The following ZNF654 variants were observed in gnomAD, a reference collection of about 807,000 sequenced individuals.
ZNF654 encodes zinc finger protein 654.
In ZNF654, 19 loss-of-function variants were observed where a neutral mutation model predicts 95.3. The observed-to-expected ratio is 0.20, with a 90% confidence interval of 0.14 to 0.29. The LOEUF (loss-of-function observed/expected upper bound fraction) is 0.29. Among genes scored for constraint, ZNF654 ranks in the 10% least tolerant of loss-of-function variants. ZNF654 has a pLI of 1.00. For synonymous variants in ZNF654, 413 were observed against 457.9 expected (o/e 0.90, Z 1.25); for missense variants, 1,046 against 1,341.0 (o/e 0.78, Z 3.44).
intron 2 of ZNF654, among the ~76,000 whole-genome samples, chr3:88,102,517 G>A (rs1180658211): frequency 6.6e-6 from 1 of 152,026 alleles, no homozygotes; most frequent in Non-Finnish European, 1.5e-5. Flanking sequence ...GTCTTTTTGT[G>A]TCTTCCATTT....
chr3:88,084,534 G>A (rs1708241078), intron 1 of ZNF654, among the ~76,000 whole-genome samples: 2 of 152,144 alleles, frequency 1.3e-5, no homozygotes, highest in Non-Finnish European at 2.9e-5. Context: ...AGAACTGCAA[G>A]AGCCAGACGA....
Position 88,059,263 on chromosome 3 carries a change from CA to C in ZNF654, c.-56del. ...GAGAGGAGGAGGAGGTTAGCCTAGGCATCTACGGCGGCGGCGGCGGCGCAGG... is the reference window on the plus strand; with the variant it reads ...GAGAGGAGGAGGAGGTTAGCCTAGGCTCTACGGCGGCGGCGGCGGCGCAGG... On this transcript the variant is annotated 5_prime_UTR_variant, in exon 1 of 9. Transcript: ENST00000636215. The C allele has an allele frequency of 3.3e-6, 5 of 1,531,430 alleles. No individual in the cohort carries two copies. Among genetic ancestry groups the C allele is most frequent in the Non-Finnish European group, 4.4e-6 (5 of 1,145,590 alleles). The allele number at this position is 1,531,430 out of a possible 1,614,324, so 94.9% of individuals were successfully genotyped here.
At chr3:88,124,531 A>T (rs1201056217) in intron 3 of ZNF654, among the ~76,000 whole-genome samples, 2 of 152,254 alleles carry the variant, frequency 1.3e-5, no homozygotes, top group Non-Finnish European at 1.5e-5. Context: ...GCATATATAA[A>T]TCACTTTATA....
intron 1 of ZNF654, among the ~76,000 whole-genome samples, chr3:88,069,964 G>A (rs752175679): frequency 1.3e-5 from 2 of 152,132 alleles, no homozygotes; most frequent in Non-Finnish European, 2.9e-5. Context: ...CAATGGATGT[G>A]TTTTTTTGGC....
chr3:88,133,181 C>T (rs1468776761), intron 6 of ZNF654, among the ~76,000 whole-genome samples: 2 of 152,078 alleles, frequency 1.3e-5, no homozygotes, highest in Non-Finnish European at 2.9e-5. Flanking sequence ...AAGGGGAATG[C>T]AGAGGAGGGT....
Position 88,141,858 on chromosome 3 carries a change from A to G in ZNF654, c.*206A>G. On this transcript the variant is annotated 3_prime_UTR_variant, in exon 9 of 9. Transcript: ENST00000636215. ...TCCAAAAGGATTATAAAACTCCCAAAGTACCAGTTTTCCAGAAAACCACAT... is the reference window on the plus strand; with the variant it reads ...TCCAAAAGGATTATAAAACTCCCAAGGTACCAGTTTTCCAGAAAACCACAT... The G allele has an allele frequency of 4.9e-6, 2 of 406,644 alleles. No homozygotes were observed. The highest frequency in any genetic ancestry group is 3.6e-5 in the East Asian group (1 of 27,430). The allele number at this position is 406,644 out of a possible 1,614,324, so 25.2% of individuals were successfully genotyped here. A position where few individuals can be genotyped will look rare whatever the true frequency, so the allele number is the denominator to read the frequency against.
chr3:88,086,344 A>T lies in ZNF654; in HGVS notation c.274A>T (p.Ser92Cys). ...QTALCCFTTA[S>C]ASFPDECEHV... ...TGCCCTTTGTTGTTTTACAACAGCC[A>T]GTGCATCATTCCCAGATGAATGTGA... is the stretch of plus-strand genomic sequence containing the variant. Residue 92 changes from serine to cysteine, a missense_variant, in exon 2 of 9, where the codon AGT becomes TGT. Coordinates refer to ENST00000636215, the MANE Select transcript of ZNF654 (RefSeq NM_001350134.2). 3.3e-6 allele frequency: 5 copies of T among 1,535,528 alleles called. No individual in the cohort carries two copies. The highest frequency in any genetic ancestry group is 4.4e-6 in the Non-Finnish European group (5 of 1,146,708).
chr3:88,113,176 G>T lies in ZNF654; in HGVS notation c.394G>T (p.Asp132Tyr), dbSNP rs1307524156. Residue 132 changes from aspartate (D) to tyrosine (Y), a missense_variant, in exon 3 of 9, where the codon GAT becomes TAT. Physicochemically the swap from Asp to Tyr is radical, Grantham distance 160. Around this residue, in one of 9 missense-constraint regions of ZNF654, gnomAD observed 91 missense variants for 190.5 expected, o/e 0.48. Coordinates refer to ENST00000636215, the MANE Select transcript of ZNF654 (RefSeq NM_001350134.2). ...TGAGTTTTATGAAGAGCCCTTAAAG[G>T]ATATTCTTGGATCATTCCAGGTAAA... The part of the protein sequence containing the change: ...RDEFYEEPLK[D>Y]ILGSFQECQN... The T allele has an allele frequency of 6.5e-7, 1 of 1,533,094 alleles. No individual in the cohort carries two copies. The highest frequency in any genetic ancestry group is 2.0e-5 in the Admixed American group (1 of 50,770). The allele number at this position is 1,533,094 out of a possible 1,614,324, so 95.0% of individuals were successfully genotyped here.
At chr3:88,136,729 T>G (rs935063561) in intron 7 of ZNF654, among the ~76,000 whole-genome samples, 4 of 152,128 alleles carry the variant, frequency 2.6e-5, no homozygotes, top group African/African-American at 9.7e-5. Flanking sequence ...CGGAGATACT[T>G]AAAGGGATTT....
intron 1 of ZNF654, among the ~76,000 whole-genome samples, chr3:88,067,513 G>A (rs1707267747): frequency 6.6e-6 from 1 of 152,214 alleles, no homozygotes; most frequent in African/African-American, 2.4e-5. Context: ...AAAGCTTGAG[G>A]AGCCTCAAAA....
At chr3:88,117,283 A>G (rs763641444) in intron 3 of ZNF654, among the ~76,000 whole-genome samples, 6 of 152,184 alleles carry the variant, frequency 3.9e-5, no homozygotes, top group Non-Finnish European at 7.4e-5. Context: ...GGATAAAGGA[A>G]AGTTCCTGAA....
intron 2 of ZNF654, among the ~76,000 whole-genome samples, chr3:88,088,752 GTATGTA>G (rs1708471952): frequency 7.9e-6 from 1 of 127,038 alleles, no homozygotes. Flanking sequence ...ATTTATGTAT[GTATGTA>G]TGTATGGATG....
At chr3:88,141,228 T>A (rs1576360261) in intron 8 of ZNF654, 180 bp downstream of exon 8, 1 of 741,880 alleles carries the variant, frequency 1.3e-6, no homozygotes, top group East Asian at 2.9e-5. Context: ...CTAATATTCC[T>A]GTTTTATAGA....
chr3:88,129,321 T>TAAAAAAA (rs11370327), intron 5 of ZNF654, among the ~76,000 whole-genome samples: 2 of 76,948 alleles, frequency 2.6e-5, no homozygotes, highest in Non-Finnish European at 4.8e-5. Context: ...TTGCCAGGAG[T>TAAAAAAA]AAAAAAAAAA....
rs1341475114 is a variant in ZNF654 at position 88,139,967 on chromosome 3, T to C, written c.2298T>C (p.His766=). The C allele has an allele frequency of 6.2e-7, 1 of 1,613,784 alleles. No homozygotes were observed. The highest frequency in any genetic ancestry group is 2.2e-5 in the East Asian group (1 of 44,874). The stretch of plus-strand genomic sequence containing the variant: ...AAAGAATTGGGTTTCTAAATAAACA[T>C]GCAATGACCGTACATCCAACCGATT... ...IFKRIGFLNK[H]AMTVHPTDLN... is the part of the protein sequence containing the mutation. The change falls in exon 8 of 9, where the codon CAT becomes CAC. Residue 766 remains histidine (H), a synonymous_variant. Coordinates refer to ENST00000636215, the MANE Select transcript of ZNF654 (RefSeq NM_001350134.2).
At chr3:88,069,384 T>C (rs906288343) in intron 1 of ZNF654, among the ~76,000 whole-genome samples, 1 of 152,150 alleles carries the variant, frequency 6.6e-6, no homozygotes, top group Non-Finnish European at 1.5e-5. Flanking sequence ...ATGGCGCCGC[T>C]GCACTTCAGC....
At chr3:88,129,626 T>A in intron 5 of ZNF654, 61 bp from the exon 6 acceptor site, 1 of 1,247,404 alleles carries the variant, frequency 8.0e-7, no homozygotes, top group Non-Finnish European at 1.0e-6. Flanking sequence ...TAAACATTTA[T>A]TGCAACTAGC....
chr3:88,076,050 G>A (rs558158414), intron 1 of ZNF654, among the ~76,000 whole-genome samples: 1 of 152,158 alleles, frequency 6.6e-6, no homozygotes, highest in Non-Finnish European at 1.5e-5. Context: ...ACTGTATGTT[G>A]TCGTTTGTGG....
intron 2 of ZNF654, among the ~76,000 whole-genome samples, chr3:88,093,079 C>G (rs1703844222): frequency 2.0e-5 from 3 of 152,094 alleles, no homozygotes; most frequent in Admixed American, 2.0e-4. Flanking sequence ...TCTGAAGAAA[C>G]AGAGATTTTG....
Sources: allele counts gnomAD v4.1 joint callset (sites outside exome capture counted in the v4.1 genomes callset), GRCh38; gene constraint gnomAD v4.1.1; regional missense constraint gnomAD v4.1.1; transcripts MANE v1.5; gene names NCBI Gene and HGNC (gene_info 2026-07-23, HGNC 2026-07-21).